LGALS1: variants seen among roughly 807,000 people sequenced by gnomAD.
LGALS1 encodes galectin 1, also known as galectin-1.
Under a neutral mutation model 14.4 loss-of-function variants are expected in LGALS1, and 14 were observed. The observed-to-expected ratio is 0.97, with a 90% CI of 0.64 to 1.52. The LOEUF (loss-of-function observed/expected upper bound fraction) is 1.52. LGALS1 is among the 40% of genes most tolerant of loss of function. The pLI is 0.00. For missense variants in LGALS1, 170 were observed against 181.4 expected, an observed-to-expected ratio of 0.94 and a Z score of 0.36; for synonymous variants, 71 against 73.4, an observed-to-expected ratio of 0.97 and a Z score of 0.17.
intron 3 of LGALS1, 128 bp downstream of exon 3, chr22:37,678,782 T>G: frequency 4.4e-6 from 4 of 910,384 alleles, no homozygotes; most frequent in Non-Finnish European, 6.5e-6. Flanking sequence ...TCCTGTGTGA[T>G]GGCCAGTGTC....
At position 37,679,723 on chromosome 22, in the gene LGALS1, A is replaced by C. The variant is rs780392664; in HGVS notation, c.382A>C (p.Lys128Gln). The C allele has an allele frequency of 6.2e-7, 1 of 1,606,390 alleles. No individual in the cohort carries two copies. Among genetic ancestry groups the C allele is most frequent in the South Asian group, 1.1e-5 (1 of 89,552 alleles). ...CTACATGGCAGCTGACGGTGACTTC[A>C]AGATCAAATGTGTGGCCTTTGACTG... The part of the protein sequence containing the change: ...INYMAADGDF[K>Q]IKCVAFD Residue 128 changes from lysine (K) to glutamine (Q), a missense_variant, in exon 4 of 4, where the codon AAG becomes CAG. Lys to Gln is a moderately conservative substitution (Grantham distance 53). Coordinates refer to ENST00000215909, the MANE Select transcript of LGALS1 (RefSeq NM_002305.4).
At position 37,679,636 on chromosome 22, in the gene LGALS1, G is replaced by T. The variant is rs375290542; in HGVS notation, c.295G>T (p.Val99Phe). 1.2e-6 allele frequency: 2 copies of T among 1,608,876 alleles called. No homozygotes were observed. Among genetic ancestry groups the T allele is most frequent in the South Asian group, 1.1e-5 (1 of 89,880 alleles). Reference sequence around the variant, plus strand: ...CACCTTCGACCAGGCCAACCTGACCGTCAAGCTGCCAGATGGATACGAATT... The same window carrying T: ...CACCTTCGACCAGGCCAACCTGACCTTCAAGCTGCCAGATGGATACGAATT... ...CITFDQANLT[V>F]KLPDGYEFKF... is the part of the protein sequence containing the mutation. Residue 99 changes from valine to phenylalanine, a missense_variant, in exon 4 of 4, where the codon GTC becomes TTC. Val to Phe is a conservative substitution (Grantham distance 50). Transcript: ENST00000215909.
At chr22:37,677,306 T>G (rs1387555819) in intron 2 of LGALS1, 2 of 540,926 alleles carry the variant, frequency 3.7e-6, no homozygotes, top group Non-Finnish European at 6.7e-6. Context: ...AGCCTCGTCA[T>G]CTGTAATACC....
At chr22:37,677,410 C>A in intron 2 of LGALS1, 1 of 313,274 alleles carries the variant, frequency 3.2e-6, no homozygotes, top group Non-Finnish European at 6.2e-6. Flanking sequence ...CCGCCGCCTT[C>A]CCCCTGAGTC....
At chr22:37,675,732 C>CCA in intron 1 of LGALS1, 21 bp downstream of exon 1, 2 of 1,538,688 alleles carry the variant, frequency 1.3e-6, no homozygotes, top group Non-Finnish European at 1.8e-6. Context: ...GGACCCCCCC[C>CCA]CAAGGTCCAG....
chr22:37,675,783 G>A, intron 1 of LGALS1, 72 bp downstream of exon 1: 9 of 1,351,336 alleles, frequency 6.7e-6, no homozygotes, highest in African/African-American at 1.5e-5. Flanking sequence ...GAGCTGGGCA[G>A]ATCGGGAGCA....
At chr22:37,677,273 G>A in intron 2 of LGALS1, 1 of 590,898 alleles carries the variant, frequency 1.7e-6, no homozygotes, top group Non-Finnish European at 3.0e-6. Flanking sequence ...CCCTGCTGTA[G>A]CCTCTTAAAC....
Position 37,678,513 on chromosome 22 carries a change from C to A in LGALS1, c.120C>A (p.Asn40Lys), listed in dbSNP as rs1921517274. Residue 40 changes from asparagine (N) to lysine (K), a missense_variant, in exon 3 of 4, where the codon AAC becomes AAA. By Grantham distance (94) the Asn-to-Lys change is moderately conservative (BLOSUM62 0). Transcript: ENST00000215909. The part of the protein sequence containing the change: ...SFVLNLGKDS[N>K]NLCLHFNPRF... ...TGCTGAACCTGGGCAAAGACAGCAA[C>A]AACCTGTGCCTGCACTTCAACCCTC... The A allele has an allele frequency of 1.2e-6, 2 of 1,613,640 alleles. No individual in the cohort carries two copies. Among genetic ancestry groups the A allele is most frequent in the Non-Finnish European group, 1.7e-6 (2 of 1,180,040 alleles).
At position 37,675,670 on chromosome 22, in the gene LGALS1, C is replaced by A; in HGVS notation, c.-33C>A. 1 of 1,547,122 alleles carries A rather than the reference C, an allele frequency of 6.5e-7. No individual in the cohort carries two copies. ...GGGTGGAGTCTTCTGACAGCTGGTG[C>A]GCCTGCCCGGGAACATCCTCCTGGA... On this transcript the variant is annotated 5_prime_UTR_variant, in exon 1 of 4. Transcript: ENST00000215909.
Position 37,679,620 on chromosome 22 carries a change from C to G in LGALS1, c.279C>G (p.Asp93Glu), listed in dbSNP as rs772758911. Residue 93 changes from aspartate (D) to glutamate (E), a missense_variant, in exon 4 of 4, where the codon GAC becomes GAG. Asp to Glu is a conservative substitution (Grantham distance 45). Transcript: ENST00000215909. ...ACCCCCAGGTGTGCATCACCTTCGA[C>G]CAGGCCAACCTGACCGTCAAGCTGC... ...GSVAEVCITF[D>E]QANLTVKLPD... The G allele has an allele frequency of 1.2e-6, 2 of 1,607,116 alleles. No individual in the cohort carries two copies. Among genetic ancestry groups the G allele is most frequent in the South Asian group, 2.2e-5 (2 of 89,622 alleles).
chr22:37,679,382 G>A (rs1281631848), intron 3 of LGALS1, among the ~76,000 whole-genome samples: 1 of 149,420 alleles, frequency 6.7e-6, no homozygotes, highest in East Asian at 2.0e-4. Flanking sequence ...AGTGAGCCGA[G>A]ATTATGCCAC....
chr22:37,677,454 C>T (rs1205236396), intron 2 of LGALS1: 6 of 261,118 alleles, frequency 2.3e-5, no homozygotes, highest in Non-Finnish European at 3.8e-5. Context: ...CATTCATTCA[C>T]TGGCTCAGTC....
chr22:37,678,373 T>G, intron 2 of LGALS1, 110 bp from the exon 3 acceptor site: 1 of 1,190,802 alleles, frequency 8.4e-7, no homozygotes, highest in Non-Finnish European at 1.2e-6. Context: ...TTGTCTCTGT[T>G]AGTGAGTTCT....
chr22:37,677,315 C>T, intron 2 of LGALS1: 1 of 513,520 alleles, frequency 1.9e-6, no homozygotes, highest in Non-Finnish European at 3.5e-6. Context: ...ATCTGTAATA[C>T]CTTGACTCCC....
chr22:37,679,650 T>A lies in LGALS1; in HGVS notation c.309T>A (p.Asp103Glu), dbSNP rs757633208. ...DQANLTVKLP[D>E]GYEFKFPNRL... ...CCAACCTGACCGTCAAGCTGCCAGA[T>A]GGATACGAATTCAAGTTCCCCAACC... The change falls in exon 4 of 4, where the codon GAT becomes GAA. Residue 103 changes from aspartate to glutamate, a missense_variant. Transcript: ENST00000215909. 8 of 1,610,416 alleles carry A rather than the reference T, an allele frequency of 5.0e-6. No individual in the cohort carries two copies. The highest frequency in any genetic ancestry group is 2.5e-6 in the Non-Finnish European group (3 of 1,178,880).
chr22:37,677,388 GGGCGGGCGTCACCGCCGCCTTCCCCCTGA>G, intron 2 of LGALS1: 1 of 347,336 alleles, frequency 2.9e-6, no homozygotes, highest in South Asian at 2.9e-5. Context: ...GAGAGGAGTG[GGGCGGGCGTCACCGCCGCCTTCCCCCTGA>G]GTCCCTCCTT....
chr22:37,677,035 T>A lies in LGALS1; in HGVS notation c.59T>A (p.Val20Glu). The A allele has an allele frequency of 6.2e-7, 1 of 1,613,944 alleles. No homozygotes were observed. Among genetic ancestry groups the A allele is most frequent in the Non-Finnish European group, 8.5e-7 (1 of 1,179,980 alleles). Residue 20 changes from valine to glutamate, a missense_variant, in exon 2 of 4, where the codon GTG becomes GAG. Coordinates refer to ENST00000215909, the MANE Select transcript of LGALS1 (RefSeq NM_002305.4). Reference sequence around the variant, plus strand: ...CTCAAACCTGGAGAGTGCCTTCGAGTGCGAGGCGAGGTGGCTCCTGACGCT... The same window carrying A: ...CTCAAACCTGGAGAGTGCCTTCGAGAGCGAGGCGAGGTGGCTCCTGACGCT... ...LNLKPGECLRVRGEVAPDAKS... is the reference protein window; with the variant it reads ...LNLKPGECLRERGEVAPDAKS...
chr22:37,678,705 G>T, intron 3 of LGALS1, 51 bp downstream of exon 3: 1 of 1,369,948 alleles, frequency 7.3e-7, no homozygotes, highest in Non-Finnish European at 9.9e-7. Flanking sequence ...GGGTGGGCTG[G>T]GGCGGGGCTG....
At chr22:37,676,776 A>C in intron 1 of LGALS1, 1 of 643,260 alleles carries the variant, frequency 1.6e-6, no homozygotes, top group Admixed American at 2.4e-5. Context: ...GACTGAAGCC[A>C]ACCCCGGTGG....
Sources: gnomAD v4.1 joint callset for allele counts (sites outside exome capture counted in the v4.1 genomes callset) on GRCh38, gnomAD v4.1.1 for gene constraint, MANE v1.5 for transcripts, NCBI Gene and HGNC (gene_info 2026-07-23, HGNC 2026-07-21) for gene names.